Variants in ARHGAP35 observed in about 807,000 individuals in gnomAD.
The protein encoded by ARHGAP35 is Rho GTPase activating protein 35.
ARHGAP35 carries 15 observed loss-of-function variants against 111.1 expected under a neutral mutation model. The ratio of observed to expected loss-of-function variants is 0.13; its 90% CI spans 0.09 to 0.21. ARHGAP35 has a LOEUF of 0.21. Among genes scored for constraint, ARHGAP35 ranks in the 10% least tolerant of loss-of-function variants. The pLI is 1.00. For missense variants in ARHGAP35, 1,262 were observed against 1,873.0 expected, an observed-to-expected ratio of 0.67 and a Z score of 6.02; for synonymous variants, 643 against 710.3, an observed-to-expected ratio of 0.91 and a Z score of 1.51.
chr19:46,930,114 C>T (rs1183330433), intron 2 of ARHGAP35, among the ~76,000 whole-genome samples: 1 of 151,918 alleles, frequency 6.6e-6, no homozygotes, highest in African/African-American at 2.4e-5. Context: ...CACTTGTAAT[C>T]CCAATGCTTT....
chr19:46,937,227 C>G lies in ARHGAP35; in HGVS notation c.3682-37C>G, dbSNP rs78942180. On this transcript the variant is annotated intron_variant, in intron 2 of 6. Coordinates refer to ENST00000672722, the MANE Select transcript of ARHGAP35 (RefSeq NM_004491.5). The stretch of plus-strand genomic sequence containing the variant: ...TGTTTAAGTTACATGTTGATACTCA[C>G]TTTGTTTTTGTGCTTCCCTTTCTCT... 9.4e-4 allele frequency: 1,512 copies of G among 1,612,282 alleles called. 14 individuals carry two copies. In the East Asian group the frequency reaches 0.013, roughly 14 times the overall value.
intron 3 of ARHGAP35, among the ~76,000 whole-genome samples, chr19:46,946,288 G>C (rs1307861669): frequency 1.3e-5 from 2 of 152,252 alleles, no homozygotes; most frequent in African/African-American, 4.8e-5. Flanking sequence ...GTGGTAGGAA[G>C]CTAGCCCTTG....
intron 1 of ARHGAP35, among the ~76,000 whole-genome samples, chr19:46,889,117 G>A (rs961935459): frequency 4.6e-5 from 7 of 152,116 alleles, no homozygotes; most frequent in African/African-American, 1.7e-4. Context: ...TCAGGAGTTC[G>A]AGACCAGCCT....
rs2056665917 is a variant in ARHGAP35, at chr19:46,989,042, G to T, written c.3905-502G>T. 6.0e-6 allele frequency: 1 copy of T among 166,302 alleles called. No individual in the cohort carries two copies. The allele number at this position is 166,302 out of a possible 1,614,324, so 10.3% of individuals were successfully genotyped here. Reference sequence around the variant, plus strand: ...CAATGAGAAGGAAAGCATGACATGGGTCAGCGGTGCCTGTGGCTGGGAAGG... The same window carrying T: ...CAATGAGAAGGAAAGCATGACATGGTTCAGCGGTGCCTGTGGCTGGGAAGG... On this transcript the variant is annotated intron_variant, in intron 4 of 6. Transcript: ENST00000672722. This position sits in a 1 kb window ranked among gnomAD's most constrained non-coding sequence, Gnocchi z 5.3.
intron 3 of ARHGAP35, among the ~76,000 whole-genome samples, chr19:46,979,634 C>G (rs1240685219): frequency 6.6e-6 from 1 of 152,190 alleles, no homozygotes; most frequent in South Asian, 2.1e-4. Context: ...ATCCCCCAGA[C>G]CTGGTGCGAT....
At chr19:46,899,986 A>C (rs2056076440) in intron 1 of ARHGAP35, among the ~76,000 whole-genome samples, 1 of 152,140 alleles carries the variant, frequency 6.6e-6, no homozygotes, top group Non-Finnish European at 1.5e-5. Flanking sequence ...TGGGGCAAGT[A>C]ATTGGAATAA....
In ARHGAP35 at chr19:46,994,768, G is replaced by A. The variant is rs997917574; in HGVS notation, c.4037-4536G>A. The stretch of plus-strand genomic sequence containing the variant: ...TACTGCATCCCCAGTGTGTAAAATA[G>A]TACCCAGGCAGGAGCGGGTCCCCGT... On this transcript the variant is annotated intron_variant, in intron 5 of 6. Coordinates refer to ENST00000672722, the MANE Select transcript of ARHGAP35 (RefSeq NM_004491.5). This position sits in a 1 kb window ranked among gnomAD's most constrained non-coding sequence, Gnocchi z 5.4. Among the ~76,000 whole-genome samples, 1 of 152,126 alleles carries A rather than the reference G, an allele frequency of 6.6e-6. No individual in the cohort carries two copies. Among genetic ancestry groups the A allele is most frequent in the South Asian group, 2.1e-4 (1 of 4,832 alleles).
rs2056758635 is a variant in ARHGAP35 at position 47,003,395 on chromosome 19, GCCAC to G, written c.*2710_*2713del. ...TTGTCCAGAATGGGGACGTGGGGCA[GCCAC>G]CCCTGCCCAGCGAGAGCGCAGACAC... On this transcript the variant is annotated 3_prime_UTR_variant, in exon 7 of 7. Transcript: ENST00000672722. 1 of 152,334 alleles carries G rather than the reference GCCAC, an allele frequency of 6.6e-6. No homozygotes were observed. The highest frequency in any genetic ancestry group is 1.5e-5 in the Non-Finnish European group (1 of 68,144). The allele number at this position is 152,334 out of a possible 1,614,324, so 9.4% of individuals were successfully genotyped here. A position where few individuals can be genotyped will look rare whatever the true frequency, so the allele number is the denominator to read the frequency against.
At position 46,898,251 on chromosome 19, in the gene ARHGAP35, A is replaced by C. The variant is rs894599074; in HGVS notation, c.-188-20237A>C. On this transcript the variant is annotated intron_variant, in intron 1 of 6. Coordinates refer to ENST00000672722, the MANE Select transcript of ARHGAP35 (RefSeq NM_004491.5). The stretch of plus-strand genomic sequence containing the variant: ...GCGAGACTCCGTCTCAAAAAAAAAA[A>C]AAAACAAAAAGAAGTGCCCTCTGTG... Among the ~76,000 whole-genome samples the C allele has an allele frequency of 1.7e-4, 26 of 152,154 alleles. No homozygotes were observed. The East Asian group carries it at 2.1e-3, about 12-fold the overall frequency.
chr19:46,955,174 A>T (rs956594166), intron 3 of ARHGAP35, among the ~76,000 whole-genome samples: 3 of 152,224 alleles, frequency 2.0e-5, no homozygotes, highest in Non-Finnish European at 4.4e-5. Context: ...GCAGAACTCA[A>T]TGTAACAGTC....
chr19:46,931,247 T>A (rs961608625), intron 2 of ARHGAP35, among the ~76,000 whole-genome samples: 1 of 152,168 alleles, frequency 6.6e-6, no homozygotes, highest in African/African-American at 2.4e-5. Flanking sequence ...TTGGAAACTG[T>A]TTTTGTTCAG....
rs2056731287 is a variant in ARHGAP35, at chr19:46,999,017, C to T, written c.4037-287C>T. On this transcript the variant is annotated intron_variant, in intron 5 of 6. Coordinates refer to ENST00000672722, the MANE Select transcript of ARHGAP35 (RefSeq NM_004491.5). This position sits in a 1 kb window ranked among gnomAD's most constrained non-coding sequence, Gnocchi z 5.4. ...GAGCAAAGAATGGTGTTCTTTATGG[C>T]GGAGTGTCTCCAGATTGTTCTGTCT... 6 of 381,860 alleles carry T rather than the reference C, an allele frequency of 1.6e-5. No individual in the cohort carries two copies. The highest frequency in any genetic ancestry group is 6.8e-4 in the Middle Eastern group (1 of 1,472). The allele number at this position is 381,860 out of a possible 1,614,324, so 23.7% of individuals were successfully genotyped here.
In ARHGAP35 at chr19:46,999,161, C is replaced by T. The variant is rs1011714449; in HGVS notation, c.4037-143C>T. 1.6e-6 allele frequency: 1 copy of T among 623,432 alleles called. No homozygotes were observed. Among genetic ancestry groups the T allele is most frequent in the Non-Finnish European group, 2.8e-6 (1 of 353,204 alleles). The allele number at this position is 623,432 out of a possible 1,614,324, so 38.6% of individuals were successfully genotyped here. A position where few individuals can be genotyped will look rare whatever the true frequency, so the allele number is the denominator to read the frequency against. The stretch of plus-strand genomic sequence containing the variant: ...CACTGCCAGGTGTGCCAGCCTTGGG[C>T]ACAGGCTTTGGGGGAAAGAGTGGGG... On this transcript the variant is annotated intron_variant, in intron 5 of 6. Transcript: ENST00000672722. This position sits in a 1 kb window ranked among gnomAD's most constrained non-coding sequence, Gnocchi z 5.4.
intron 3 of ARHGAP35, among the ~76,000 whole-genome samples, chr19:46,943,923 G>A (rs750936160): frequency 6.6e-6 from 1 of 152,158 alleles, no homozygotes; most frequent in Non-Finnish European, 1.5e-5. Context: ...AAACCTTGCC[G>A]TGGGGAGGAG....
At chr19:46,899,171 G>C (rs896958788) in intron 1 of ARHGAP35, among the ~76,000 whole-genome samples, 1 of 152,164 alleles carries the variant, frequency 6.6e-6, no homozygotes, top group South Asian at 2.1e-4. Context: ...GATGGGCAGA[G>C]AAGGCATTAT....
rs569310425 is a variant in ARHGAP35, at chr19:46,934,587, G to A, written c.3682-2677G>A. On this transcript the variant is annotated intron_variant, in intron 2 of 6. Coordinates refer to ENST00000672722, the MANE Select transcript of ARHGAP35 (RefSeq NM_004491.5). ...TCACTATGTTGGCCAGGCTGGTCTC[G>A]AACTCCTGATCTCAGGTGATCCGCC... 1.4e-4 allele frequency among the ~76,000 whole-genome samples: 22 copies of A among 152,158 alleles called. No homozygotes were observed. In the East Asian group the frequency reaches 2.7e-3, roughly 19 times the overall value.
At chr19:46,958,110 A>G (rs62136803) in intron 3 of ARHGAP35, among the ~76,000 whole-genome samples, 144,793 of 152,270 alleles carry the variant, frequency 0.95, 68,973 homozygotes, top group African/African-American at 0.99. Context: ...AAGGCCAGGC[A>G]CGGTGGCCCA....
At chr19:46,873,511 C>T (rs2055898948) in intron 1 of ARHGAP35, among the ~76,000 whole-genome samples, 3 of 151,474 alleles carry the variant, frequency 2.0e-5, no homozygotes. Context: ...TGGTGGCGGG[C>T]ACCTGTAATC....
At position 46,920,501 on chromosome 19, in the gene ARHGAP35, C is replaced by T. The variant is rs769146124; in HGVS notation, c.1826C>T (p.Ala609Val). ...NLVILGKDGL[A>V]RELANEIRAL... is the part of the protein sequence containing the mutation. ...GTTATATTGGGCAAAGACGGCCTTG[C>T]CCGAGAGTTGGCCAATGAGATTCGA... is the stretch of plus-strand genomic sequence containing the variant. The change falls in exon 2 of 7, where the codon GCC becomes GTC. Residue 609 changes from alanine (A) to valine (V), a missense_variant. By Grantham distance (64) the Ala-to-Val change is moderately conservative (BLOSUM62 0). This residue lies in a region of ARHGAP35 where 37 missense variants were observed against 83.9 expected (regional missense o/e 0.44). Transcript: ENST00000672722. This position sits in a 1 kb window ranked among gnomAD's most constrained non-coding sequence, Gnocchi z 7.0. The T allele has an allele frequency of 6.2e-7, 1 of 1,613,924 alleles. No individual in the cohort carries two copies. Among genetic ancestry groups the T allele is most frequent in the South Asian group, 1.1e-5 (1 of 91,076 alleles).
Sources: gnomAD v4.1 joint callset for allele counts (sites outside exome capture counted in the v4.1 genomes callset) on GRCh38, gnomAD v4.1.1 for gene constraint, gnomAD v4.1.1 regional missense constraint, Gnocchi (gnomAD v3.1) non-coding constraint, MANE v1.5 for transcripts, NCBI Gene and HGNC (gene_info 2026-07-23, HGNC 2026-07-21) for gene names.